DENND11: variants seen among roughly 807,000 people sequenced by gnomAD.
The protein encoded by DENND11 is DENN domain containing 11, also known as DENN domain-containing protein 11.
Under a neutral mutation model 49.2 loss-of-function variants are expected in DENND11, and 34 were observed. The ratio of observed to expected loss-of-function variants is 0.69; its 90% confidence interval spans 0.53 to 0.92. The LOEUF (loss-of-function observed/expected upper bound fraction) is 0.92. Ranked by LOEUF, DENND11 falls within the 40% of genes least tolerant of loss-of-function variation. DENND11 has a pLI of 0.00. For synonymous variants in DENND11, 238 were observed against 230.3 expected, an observed-to-expected ratio of 1.03 and a Z score of -0.30; for missense variants, 475 against 581.6, an observed-to-expected ratio of 0.82 and a Z score of 1.88.
Position 141,659,148 on chromosome 7 carries a change from A to G in DENND11, c.*3508T>C, listed in dbSNP as rs1177530381. The stretch of plus-strand genomic sequence containing the variant: ...CAAGTTCCTAAGCTAAATTACTTCT[A>G]TTGATACATCAATGATTTCAGCTTC... On this transcript the variant is annotated 3_prime_UTR_variant, in exon 9 of 9. Transcript: ENST00000536163. 1 of 152,218 alleles carries G rather than the reference A, an allele frequency of 6.6e-6. No homozygotes were observed. Among genetic ancestry groups the G allele is most frequent in the Non-Finnish European group, 1.5e-5 (1 of 68,040 alleles). The allele number at this position is 152,218 out of a possible 1,614,324, so 9.4% of individuals were successfully genotyped here. A position where few individuals can be genotyped will look rare whatever the true frequency, so the allele number is the denominator to read the frequency against.
intron 2 of DENND11, among the ~76,000 whole-genome samples, chr7:141,686,326 A>G (rs1798241927): frequency 6.6e-6 from 1 of 152,258 alleles, no homozygotes; most frequent in Admixed American, 6.5e-5. Context: ...AGAAAGTGAG[A>G]GAACCTCTAC....
intron 1 of DENND11, among the ~76,000 whole-genome samples, chr7:141,693,149 T>G (rs1302676056): frequency 1.3e-5 from 2 of 152,160 alleles, no homozygotes; most frequent in East Asian, 1.9e-4. Context: ...TACGAAGAAT[T>G]CATAAAACTC....
intron 4 of DENND11, among the ~76,000 whole-genome samples, chr7:141,673,730 T>C (rs957337138): frequency 2.6e-5 from 4 of 152,220 alleles, no homozygotes; most frequent in Admixed American, 2.6e-4. Flanking sequence ...AACTAAGAAA[T>C]GTCATACTTC....
chr7:141,694,420 C>T (rs913985914), intron 1 of DENND11, among the ~76,000 whole-genome samples: 7 of 151,978 alleles, frequency 4.6e-5, no homozygotes, highest in African/African-American at 9.7e-5. Context: ...GCCACCATGC[C>T]GGGCTAATTT....
intron 1 of DENND11, among the ~76,000 whole-genome samples, chr7:141,694,876 C>T (rs569155508): frequency 6.8e-4 from 103 of 152,158 alleles, no homozygotes; most frequent in Non-Finnish European, 1.2e-3. Context: ...CTGGGCCATG[C>T]CATGCACCTC....
rs759730841 is a variant in DENND11, at chr7:141,683,701, CACAG to C, written c.527+1773_527+1776del. On this transcript the variant is annotated intron_variant, in intron 3 of 8. Transcript: ENST00000536163. ...AAACATTTGGCAAGTTCAGAAACAG[CACAG>C]ACAAAGACAGACTCTATAGGTATCT... Among the ~76,000 whole-genome samples, 77 of 152,212 alleles carry C rather than the reference CACAG, an allele frequency of 5.1e-4. 1 individual carries two copies. Among genetic ancestry groups the C allele is most frequent in the Admixed American group, 2.1e-3 (32 of 15,288 alleles).
rs907959505 is a variant in DENND11, at chr7:141,686,605, A to G, written c.322T>C (p.Phe108Leu). 6.2e-7 allele frequency: 1 copy of G among 1,613,328 alleles called. No individual in the cohort carries two copies. The highest frequency in any genetic ancestry group is 1.3e-5 in the African/African-American group (1 of 74,898). ...TGGGACCCACTGGCCATAGACTTGA[A>G]CTCAACACCTTCAAGGTCAATATCT... ...PQDIDLEGVEFKSMASGSHKI... is the reference protein window; with the variant it reads ...PQDIDLEGVELKSMASGSHKI... The change falls in exon 2 of 9, where the codon TTC becomes CTC. Residue 108 changes from phenylalanine to leucine, a missense_variant. Coordinates refer to ENST00000536163, the MANE Select transcript of DENND11 (RefSeq NM_001080392.2).
chr7:141,694,772 A>G (rs930505531), intron 1 of DENND11, among the ~76,000 whole-genome samples: 1 of 152,166 alleles, frequency 6.6e-6, no homozygotes, highest in Non-Finnish European at 1.5e-5. Context: ...CACAAAGTCA[A>G]TGTGGAAAAC....
At chr7:141,687,631 A>ACTTTTTTTTTTTTTTTTTTT (rs1554410465) in intron 1 of DENND11, among the ~76,000 whole-genome samples, 5 of 112,794 alleles carry the variant, frequency 4.4e-5, no homozygotes, top group African/African-American at 1.6e-4. Flanking sequence ...CACTCGGCTA[A>ACTTTTTTTTTTTTTTTTTTT]TTTTTTTTTT....
At chr7:141,663,826 A>C in intron 8 of DENND11, 1 of 269,660 alleles carries the variant, frequency 3.7e-6, no homozygotes, top group African/African-American at 2.2e-5. Flanking sequence ...AGCGCAAGGA[A>C]CTACTCTATT....
Position 141,701,962 on chromosome 7 carries a change from G to A in DENND11, c.192C>T (p.Pro64=), listed in dbSNP as rs1798528473. 6 of 1,181,596 alleles carry A rather than the reference G, an allele frequency of 5.1e-6. No homozygotes were observed. Among genetic ancestry groups the A allele is most frequent in the Non-Finnish European group, 6.3e-6 (6 of 956,370 alleles). The allele number at this position is 1,181,596 out of a possible 1,614,324, so 73.2% of individuals were successfully genotyped here. A position where few individuals can be genotyped will look rare whatever the true frequency, so the allele number is the denominator to read the frequency against. The change falls in exon 1 of 9, where the codon CCC becomes CCT. Residue 64 remains proline (P), a synonymous_variant. Transcript: ENST00000536163. ...EPAAPEVLLQ[P]GRLELGDVEE... ...CCACGTCGCCCAGCTCCAGGCGCCC[G>A]GGCTGCAGCAGCACCTCCGGGGCGG...
intron 1 of DENND11, among the ~76,000 whole-genome samples, chr7:141,699,437 C>T (rs898416912): frequency 1.1e-4 from 16 of 152,092 alleles, no homozygotes; most frequent in African/African-American, 3.6e-4. Flanking sequence ...TTATATGGTA[C>T]AAGGTCTATC....
At chr7:141,663,627 A>C (rs1797840109) in intron 8 of DENND11, 1 of 152,548 alleles carries the variant, frequency 6.6e-6, no homozygotes. Context: ...ATCAAACCAC[A>C]ACCTCACCCC....
At chr7:141,678,971 G>A (rs1176769660) in intron 3 of DENND11, among the ~76,000 whole-genome samples, 2 of 152,110 alleles carry the variant, frequency 1.3e-5, no homozygotes, top group African/African-American at 4.8e-5. Context: ...TCATTAAAAA[G>A]ACTCTTTAGA....
chr7:141,696,796 A>C (rs551028087), intron 1 of DENND11, among the ~76,000 whole-genome samples: 1 of 152,342 alleles, frequency 6.6e-6, no homozygotes, highest in South Asian at 2.1e-4. Flanking sequence ...AAACCTCCAA[A>C]GAGTATTTGG....
chr7:141,685,032 ATATATATATATAT>A (rs1798214992), intron 3 of DENND11, among the ~76,000 whole-genome samples: 8 of 91,638 alleles, frequency 8.7e-5, no homozygotes, highest in Non-Finnish European at 1.5e-4. Context: ...AAAAAAAAAT[ATATATATATATAT>A]ATATATATAT....
intron 4 of DENND11, among the ~76,000 whole-genome samples, chr7:141,673,256 A>C (rs11342917): frequency 0.11 from 17,157 of 152,064 alleles, 1,354 homozygotes; most frequent in East Asian, 0.35. Flanking sequence ...AAAAAAAAAA[A>C]CAAAAAACAT....
chr7:141,697,575 C>G (rs751871878), intron 1 of DENND11, among the ~76,000 whole-genome samples: 1 of 152,172 alleles, frequency 6.6e-6, no homozygotes, highest in Non-Finnish European at 1.5e-5. Flanking sequence ...CTCTTTGCAT[C>G]TTAAAATTGT....
intron 3 of DENND11, among the ~76,000 whole-genome samples, chr7:141,678,929 TA>T (rs1401535529): frequency 6.6e-6 from 1 of 152,234 alleles, no homozygotes; most frequent in Non-Finnish European, 1.5e-5. Flanking sequence ...AATTATGAAA[TA>T]GTTCTCCAAT....
Sources: gnomAD v4.1 joint callset for allele counts (sites outside exome capture counted in the v4.1 genomes callset) on GRCh38, gnomAD v4.1.1 for gene constraint, MANE v1.5 for transcripts, NCBI Gene and HGNC (gene_info 2026-07-23, HGNC 2026-07-21) for gene names.